Variants in METTL15 observed in about 807,000 individuals in gnomAD.
METTL15 encodes 12S rRNA N(4)-cytidine methyltransferase METTL15.
A neutral mutation model predicts 38.3 loss-of-function variants in METTL15; 34 were observed. The ratio of observed to expected loss-of-function variants is 0.89; its 90% CI spans 0.68 to 1.18. The LOEUF (loss-of-function observed/expected upper bound fraction) is 1.18. Among genes scored for constraint, METTL15 ranks in the 50% most tolerant of loss-of-function variants. The probability of loss-of-function intolerance (pLI) is 0.00; values close to 1 mark genes in which losing one functional copy is unlikely to be tolerated. For missense variants in METTL15, 438 were observed against 498.4 expected (o/e 0.88, Z 1.15); for synonymous variants, 162 against 170.9 (o/e 0.95, Z 0.41).
chr11:28,431,783 A>AG (rs1850930708), intron 6 of METTL15, among the ~76,000 whole-genome samples: 1 of 62,092 alleles, frequency 1.6e-5, no homozygotes, highest in African/African-American at 5.8e-5. Flanking sequence ...CAATAAAAAA[A>AG]TAAATTTAAA....
intron 3 of METTL15, among the ~76,000 whole-genome samples, chr11:28,122,333 A>ATG (rs61147516): frequency 0.33 from 36,655 of 110,682 alleles, 5,161 homozygotes; most frequent in Middle Eastern, 0.36. Flanking sequence ...ATGTGTGTAT[A>ATG]TGTGTGTGTG....
chr11:28,431,776 TA>T (rs34283925), intron 6 of METTL15, among the ~76,000 whole-genome samples: 52 of 51,336 alleles, frequency 1.0e-3, no homozygotes, highest in South Asian at 1.9e-3. Context: ...GAATTATCAA[TA>T]AAAAAATAAA....
At chr11:28,459,550 A>G (rs574634328) in intron 6 of METTL15, among the ~76,000 whole-genome samples, 3 of 152,268 alleles carry the variant, frequency 2.0e-5, no homozygotes, top group South Asian at 4.1e-4. Context: ...CTGAAATGCT[A>G]TCTTCTTTTG....
In METTL15 at chr11:28,302,646, T is replaced by A. The variant is rs1244845018; in HGVS notation, c.778+5715T>A. On this transcript the variant is annotated intron_variant, in intron 6 of 6. Coordinates refer to ENST00000407364, the MANE Select transcript of METTL15 (RefSeq NM_001113528.2). ...AGCCATTTGGAACTGTAAGTCCAAT[T>A]AAACCTCTTTCTTTTGTAAATTGGT... is the stretch of plus-strand genomic sequence containing the variant. Among the ~76,000 whole-genome samples the A allele has an allele frequency of 4.6e-5, 7 of 152,154 alleles. No homozygotes were observed. The East Asian group carries it at 1.4e-3, about 29-fold the overall frequency.
intron 6 of METTL15, among the ~76,000 whole-genome samples, chr11:28,512,085 G>C (rs1851679375): frequency 6.6e-6 from 1 of 151,996 alleles, no homozygotes; most frequent in Non-Finnish European, 1.5e-5. Context: ...TACAATCCCT[G>C]AGCTAGACAC....
chr11:28,223,137 G>A (rs1853319722), intron 4 of METTL15, among the ~76,000 whole-genome samples: 1 of 151,976 alleles, frequency 6.6e-6, no homozygotes, highest in South Asian at 2.1e-4. Flanking sequence ...AAGGAAACAT[G>A]TTTTTACATT....
At chr11:28,394,393 G>T (rs1590359401) in intron 5 of METTL15, among the ~76,000 whole-genome samples, 1 of 152,028 alleles carries the variant, frequency 6.6e-6, no homozygotes, top group South Asian at 2.1e-4. Context: ...AATTTGCACA[G>T]CTCTAATGGT....
At chr11:28,467,215 G>T (rs2133460357) in intron 6 of METTL15, among the ~76,000 whole-genome samples, 1 of 152,320 alleles carries the variant, frequency 6.6e-6, no homozygotes, top group Non-Finnish European at 1.5e-5. Flanking sequence ...TCTGGTCATG[G>T]TGGCTTCTTA....
intron 5 of METTL15, among the ~76,000 whole-genome samples, chr11:28,378,124 GC>G (rs1564912290): frequency 6.6e-6 from 1 of 152,082 alleles, no homozygotes; most frequent in Admixed American, 6.5e-5. Context: ...TCTGTGCCCT[GC>G]CCCCAGAGGT....
intron 3 of METTL15, chr11:28,145,065 C>A: frequency 6.0e-6 from 1 of 166,108 alleles, no homozygotes; most frequent in Non-Finnish European, 1.3e-5. Flanking sequence ...GAATAGCTGT[C>A]AGGATCTCAG....
chr11:28,117,262 TATATA>T, intron 3 of METTL15, among the ~76,000 whole-genome samples: 1 of 4,830 alleles, frequency 2.1e-4, no homozygotes, highest in Non-Finnish European at 1.7e-3. Context: ...TGTGTGTGTA[TATATA>T]TATATATATA....
chr11:28,302,802 G>A (rs927323173), intron 6 of METTL15, among the ~76,000 whole-genome samples: 17 of 152,118 alleles, frequency 1.1e-4, no homozygotes, highest in African/African-American at 4.1e-4. Context: ...TTTGTAAGTT[G>A]AAATGATATT....
chr11:28,508,120 C>T (rs1331679145), intron 6 of METTL15, among the ~76,000 whole-genome samples: 7 of 152,178 alleles, frequency 4.6e-5, no homozygotes, highest in Admixed American at 4.6e-4. Context: ...TAAAACACTT[C>T]AAACTTATTT....
chr11:28,194,122 ATCTTTCTTTCTTTCTT>A (rs57046097), intron 3 of METTL15, among the ~76,000 whole-genome samples: 56 of 99,168 alleles, frequency 5.6e-4, no homozygotes, highest in African/African-American at 1.3e-3. Context: ...TTGATGGTTG[ATCTTTCTTTCTTTCTT>A]TCTTTCTTTC....
chr11:28,113,241 A>C (rs1021903823), intron 2 of METTL15, 77 bp from the exon 3 acceptor site: 1 of 985,582 alleles, frequency 1.0e-6, no homozygotes, highest in Non-Finnish European at 1.5e-6. Flanking sequence ...AATATTGCAT[A>C]TTAATTTGAT....
chr11:28,214,807 A>T (rs1228528897), intron 4 of METTL15, among the ~76,000 whole-genome samples: 7 of 152,222 alleles, frequency 4.6e-5, no homozygotes, highest in Admixed American at 3.9e-4. Context: ...AAAAACTCCA[A>T]ATACTTATAA....
intron 5 of METTL15, among the ~76,000 whole-genome samples, chr11:28,374,710 G>T (rs576278216): frequency 6.6e-6 from 1 of 151,524 alleles, no homozygotes; most frequent in African/African-American, 2.4e-5. Context: ...ATGTTGAATA[G>T]GAGTGGTGAG....
At chr11:28,113,785 A>G (rs191830417) in intron 3 of METTL15, among the ~76,000 whole-genome samples, 181 bp downstream of exon 3, 164 of 152,304 alleles carry the variant, frequency 1.1e-3, no homozygotes, top group African/African-American at 2.2e-3. Flanking sequence ...GTGCCATACA[A>G]CCATGCTTTT....
intron 3 of METTL15, among the ~76,000 whole-genome samples, chr11:28,161,107 C>CTTTTTTTTTTTTT (rs10660185): frequency 9.9e-5 from 13 of 131,876 alleles, no homozygotes; most frequent in East Asian, 2.2e-4. Context: ...TTGCACCTTC[C>CTTTTTTTTTTTTT]TTTTTTTTTT....
Sources: gnomAD v4.1 joint callset for allele counts (sites outside exome capture counted in the v4.1 genomes callset) on GRCh38, gnomAD v4.1.1 for gene constraint, MANE v1.5 for transcripts, NCBI Gene and HGNC (gene_info 2026-07-23, HGNC 2026-07-21) for gene names.